ZHX3: variants seen among roughly 807,000 people sequenced by gnomAD.
ZHX3 encodes zinc fingers and homeoboxes protein 3.
In ZHX3, 20 loss-of-function variants were observed where a neutral mutation model predicts 64.5. The observed-to-expected ratio is 0.31, with a 90% confidence interval of 0.22 to 0.45. The LOEUF (loss-of-function observed/expected upper bound fraction) is 0.45, where lower values mean the gene tolerates loss of function less well. Among genes scored for constraint, ZHX3 ranks in the 20% least tolerant of loss-of-function variants. The pLI is 1.00. For missense variants in ZHX3, 1,041 were observed against 1,195.8 expected (o/e 0.87, Z 1.91); for synonymous variants, 423 against 461.6 (o/e 0.92, Z 1.07).
At chr20:41,218,540 T>G (rs1332326325) in intron 2 of ZHX3, among the ~76,000 whole-genome samples, 1 of 152,118 alleles carries the variant, frequency 6.6e-6, no homozygotes, top group Non-Finnish European at 1.5e-5. Flanking sequence ...CAGAAGAGGG[T>G]CTGTATTGCT....
At chr20:41,298,976 A>G (rs934777556) in intron 1 of ZHX3, among the ~76,000 whole-genome samples, 3 of 152,228 alleles carry the variant, frequency 2.0e-5, no homozygotes, top group Non-Finnish European at 4.4e-5. Flanking sequence ...CCTACGTAAG[A>G]TGATGAGTTG....
intron 2 of ZHX3, among the ~76,000 whole-genome samples, chr20:41,218,303 C>A (rs745695407): frequency 6.6e-6 from 1 of 152,024 alleles, no homozygotes; most frequent in Non-Finnish European, 1.5e-5. Flanking sequence ...AAATAGCTGG[C>A]ATGGTGACAC....
chr20:41,189,586 T>G (rs1250974521), intron 3 of ZHX3, among the ~76,000 whole-genome samples: 1 of 152,218 alleles, frequency 6.6e-6, no homozygotes, highest in African/African-American at 2.4e-5. Flanking sequence ...CTTTTTTTAT[T>G]TTTGGTAGCT....
chr20:41,204,399 GC>G lies in ZHX3; in HGVS notation c.517del (p.Ala173LeufsTer15). 6.2e-7 allele frequency: 1 copy of G among 1,614,152 alleles called. No homozygotes were observed. Among genetic ancestry groups the G allele is most frequent in the Non-Finnish European group, 8.5e-7 (1 of 1,180,030 alleles). ...DLAGEPSAEG[A>X]DGQAEIIITK... is the part of the protein sequence containing the mutation. ...AATGATGATTTCTGCCTGTCCATCA[GC>G]CCCTTCAGCACTGGGCTCACCCGCT... On this transcript the variant is annotated frameshift_variant, in exon 3 of 4. Transcript: ENST00000683867. LOFTEE classifies it high-confidence loss of function. This position sits in a 1 kb window ranked among gnomAD's most constrained non-coding sequence, Gnocchi z 6.6.
At chr20:41,251,121 A>T (rs1403591135) in intron 2 of ZHX3, among the ~76,000 whole-genome samples, 1 of 151,864 alleles carries the variant, frequency 6.6e-6, no homozygotes, top group East Asian at 1.9e-4. Flanking sequence ...AAGCATCAAA[A>T]GGGAACAGAA....
chr20:41,282,319 C>T (rs1392932260), intron 1 of ZHX3, among the ~76,000 whole-genome samples: 1 of 146,050 alleles, frequency 6.8e-6, no homozygotes, highest in Admixed American at 6.9e-5. Flanking sequence ...GTATTTAACA[C>T]TGGAGAAGTA....
At chr20:41,307,311 G>A (rs1165781933) in intron 1 of ZHX3, among the ~76,000 whole-genome samples, 1 of 152,126 alleles carries the variant, frequency 6.6e-6, no homozygotes, top group Non-Finnish European at 1.5e-5. Context: ...GAAATGAGAT[G>A]GTGAGTATTC....
intron 1 of ZHX3, among the ~76,000 whole-genome samples, chr20:41,291,907 G>A (rs1031362825): frequency 2.6e-5 from 4 of 151,106 alleles, no homozygotes; most frequent in African/African-American, 9.7e-5. Flanking sequence ...GCCTGGCAAG[G>A]TGGCGTGCAC....
intron 3 of ZHX3, among the ~76,000 whole-genome samples, chr20:41,192,317 G>A (rs1385525895): frequency 6.6e-6 from 1 of 152,210 alleles, no homozygotes; most frequent in Non-Finnish European, 1.5e-5. Flanking sequence ...AGGTGGTGGT[G>A]TAAAGCCAGG....
chr20:41,263,438 A>T (rs1405037159), intron 2 of ZHX3, among the ~76,000 whole-genome samples: 2 of 149,216 alleles, frequency 1.3e-5, no homozygotes, highest in East Asian at 3.9e-4. Flanking sequence ...TCTGTTGCCC[A>T]GGCTGCAGTG....
intron 2 of ZHX3, among the ~76,000 whole-genome samples, chr20:41,263,070 A>G (rs1294481248): frequency 6.6e-6 from 1 of 152,230 alleles, no homozygotes; most frequent in Non-Finnish European, 1.5e-5. Context: ...GAGAAGAAAC[A>G]ACAAATACAA....
rs1308469994 is a variant in ZHX3, at chr20:41,205,016, T to G, written c.-100A>C. 4 of 1,385,938 alleles carry G rather than the reference T, an allele frequency of 2.9e-6. No homozygotes were observed. The highest frequency in any genetic ancestry group is 2.1e-4 in the Middle Eastern group (1 of 4,794). 85.9% of individuals were successfully genotyped at this position (1,385,938 alleles called of 1,614,324 possible). A position where few individuals can be genotyped will look rare whatever the true frequency, so the allele number is the denominator to read the frequency against. ...CGATGAGGGCCAAAGAAACAGTTTC[T>G]AAATGCAGCTTTTTCAGTTGTTTGC... On this transcript the variant is annotated 5_prime_UTR_variant, in exon 3 of 4. Coordinates refer to ENST00000683867, the MANE Select transcript of ZHX3 (RefSeq NM_001384317.1).
chr20:41,230,783 C>T (rs1254845117), intron 2 of ZHX3, among the ~76,000 whole-genome samples: 1 of 152,034 alleles, frequency 6.6e-6, no homozygotes, highest in Non-Finnish European at 1.5e-5. Flanking sequence ...TACCCACTGC[C>T]CCACACATGC....
At chr20:41,262,925 C>T (rs1386018440) in intron 2 of ZHX3, among the ~76,000 whole-genome samples, 2 of 152,138 alleles carry the variant, frequency 1.3e-5, no homozygotes, top group African/African-American at 4.8e-5. Flanking sequence ...CAAGTTCTTG[C>T]TTTTGCTTTG....
intron 3 of ZHX3, chr20:41,188,388 G>A (rs116562118): frequency 7.3e-6 from 1 of 136,158 alleles, no homozygotes; most frequent in Non-Finnish European, 1.6e-5. Context: ...CATGTCTTTT[G>A]TCCCCCCACC....
intron 2 of ZHX3, among the ~76,000 whole-genome samples, chr20:41,220,435 C>T (rs1458562029): frequency 6.6e-6 from 1 of 152,232 alleles, no homozygotes; most frequent in Non-Finnish European, 1.5e-5. Context: ...GAAGCTACTA[C>T]AGCCGAAGCT....
intron 2 of ZHX3, among the ~76,000 whole-genome samples, chr20:41,262,901 T>C (rs1303546131): frequency 6.6e-6 from 1 of 152,208 alleles, no homozygotes; most frequent in Non-Finnish European, 1.5e-5. Context: ...AATTTCCTTA[T>C]ATGGAAGAAA....
At chr20:41,238,286 TA>T (rs1422248122) in intron 2 of ZHX3, among the ~76,000 whole-genome samples, 1 of 152,174 alleles carries the variant, frequency 6.6e-6, no homozygotes, top group Non-Finnish European at 1.5e-5. Context: ...GGCATCCAAA[TA>T]AAATTAATTA....
chr20:41,210,217 G>A (rs932233229), intron 2 of ZHX3, among the ~76,000 whole-genome samples: 4 of 152,204 alleles, frequency 2.6e-5, no homozygotes, highest in Non-Finnish European at 5.9e-5. Flanking sequence ...GAGAGGATGT[G>A]GAGAAATAGG....
Sources: allele counts gnomAD v4.1 joint callset (sites outside exome capture counted in the v4.1 genomes callset), GRCh38; gene constraint gnomAD v4.1.1; non-coding constraint Gnocchi (gnomAD v3.1); transcripts MANE v1.5; gene names NCBI Gene and HGNC (gene_info 2026-07-23, HGNC 2026-07-21).